Variants in PIEZO1 observed in about 807,000 individuals in gnomAD.
PIEZO1 encodes piezo type mechanosensitive ion channel component 1 (Er blood group).
Under a neutral mutation model 297.2 loss-of-function variants are expected in PIEZO1, and 296 were observed. The observed-to-expected ratio is 1.00, with a 90% CI of 0.91 to 1.10. PIEZO1 has a LOEUF of 1.10. Among genes scored for constraint, PIEZO1 ranks in the 50% least tolerant of loss-of-function variants. The pLI is 0.00. For synonymous variants in PIEZO1, 2,427 were observed against 1,507.5 expected, an observed-to-expected ratio of 1.61 and a Z score of -14.13; for missense variants, 5,018 against 3,455.5, an observed-to-expected ratio of 1.45 and a Z score of -11.34.
In PIEZO1 at chr16:88,737,564, C is replaced by T. The variant is rs747544951; in HGVS notation, c.1190G>A (p.Arg397Gln). Residue 397 changes from arginine to glutamine, a missense_variant, in exon 10 of 51, where the codon CGG becomes CAG. Coordinates refer to ENST00000301015, the MANE Select transcript of PIEZO1 (RefSeq NM_001142864.4). ...ELTGQSSVLR[R>Q]PVRPKRAEPR... ...TTGCAGTGTGCGGTACTCACCAGGC[C>T]GCCGCAGGACGGAGCTCTGGCCGGT... is the stretch of plus-strand genomic sequence containing the variant. The T allele has an allele frequency of 1.3e-6, 2 of 1,532,474 alleles. No homozygotes were observed. Among genetic ancestry groups the T allele is most frequent in the East Asian group, 4.9e-5 (2 of 40,900 alleles). 94.9% of individuals were successfully genotyped at this position (1,532,474 alleles called of 1,614,324 possible). A position where few individuals can be genotyped will look rare whatever the true frequency, so the allele number is the denominator to read the frequency against.
rs952530640 is a variant in PIEZO1 at position 88,733,388 on chromosome 16, G to A, written c.2554C>T (p.Pro852Ser). Residue 852 changes from proline to serine, a missense_variant, in exon 19 of 51, where the codon CCC becomes TCC. Transcript: ENST00000301015. Reference protein sequence around the residue: ...AFALPYPRFRPMASCLSTVWT... With the variant: ...AFALPYPRFRSMASCLSTVWT... ...ACGGTGGACAGGCAGGAGGCCATGG[G>A]CCGGAAGCGTGGGTAGGGCAGGGCG... is the stretch of plus-strand genomic sequence containing the variant. 1 of 1,550,130 alleles carries A rather than the reference G, an allele frequency of 6.5e-7. No individual in the cohort carries two copies. The highest frequency in any genetic ancestry group is 2.4e-5 in the East Asian group (1 of 40,922).
intron 30 of PIEZO1, among the ~76,000 whole-genome samples, chr16:88,724,436 C>T (rs1008228805): frequency 1.3e-5 from 2 of 151,234 alleles, no homozygotes; most frequent in Non-Finnish European, 2.9e-5. Flanking sequence ...GAGGCTGAGG[C>T]AGGAGAATCC....
rs1184372487 is a variant in PIEZO1 at position 88,716,358 on chromosome 16, C to T, written c.7049+3G>A. On this transcript the variant is annotated splice_donor_region_variant and intron_variant, in intron 48 of 50. Transcript: ENST00000301015. ...CTGCCCACCACCCGGGCCCTTCACT[C>T]ACACAGACTGGTCCGAGGTGCCCTC... 1.3e-6 allele frequency: 2 copies of T among 1,532,516 alleles called. No homozygotes were observed. Among genetic ancestry groups the T allele is most frequent in the East Asian group, 2.5e-5 (1 of 40,698 alleles). The allele number at this position is 1,532,516 out of a possible 1,614,324, so 94.9% of individuals were successfully genotyped here.
In PIEZO1 at chr16:88,719,727, CACA is replaced by C. The variant is rs1912294377; in HGVS notation, c.6324-9_6324-7del. The C allele has an allele frequency of 1.3e-6, 2 of 1,550,558 alleles. No homozygotes were observed. The highest frequency in any genetic ancestry group is 2.4e-5 in the South Asian group (2 of 84,058). On this transcript the variant is annotated splice_region_variant and splice_polypyrimidine_tract_variant and intron_variant, in intron 43 of 50. Coordinates refer to ENST00000301015, the MANE Select transcript of PIEZO1 (RefSeq NM_001142864.4). ...GGAACGGCACCAGCCGGAACCTGCC[CACA>C]GCCAGGGTTCCCGTCAGGTGGGCTC...
chr16:88,727,451 A>C (rs1012100731), intron 23 of PIEZO1, 106 bp downstream of exon 23: 1 of 636,876 alleles, frequency 1.6e-6, no homozygotes, highest in African/African-American at 1.9e-5. Flanking sequence ...GTGCCTGACC[A>C]CACCTCCGCC....
At chr16:88,775,395 G>T (rs1907610972) in intron 1 of PIEZO1, among the ~76,000 whole-genome samples, 1 of 152,354 alleles carries the variant, frequency 6.6e-6, no homozygotes, top group Admixed American at 6.5e-5. Flanking sequence ...ACCCCCAAGA[G>T]TGTCCGGGCT....
At chr16:88,722,457 G>A (rs1443788584) in intron 35 of PIEZO1, 60 bp from the exon 36 acceptor site, 4 of 1,452,472 alleles carry the variant, frequency 2.8e-6, no homozygotes, top group South Asian at 1.4e-5. Context: ...CAGGCTACAG[G>A]GAGGGTCAGG....
At chr16:88,754,537 G>C (rs1253723080) in intron 1 of PIEZO1, among the ~76,000 whole-genome samples, 1 of 151,822 alleles carries the variant, frequency 6.6e-6, no homozygotes, top group Non-Finnish European at 1.5e-5. Flanking sequence ...TGTGGTGATC[G>C]AGGAGGAGCT....
At chr16:88,747,248 C>G (rs530158583) in intron 2 of PIEZO1, among the ~76,000 whole-genome samples, 20 of 129,844 alleles carry the variant, frequency 1.5e-4, no homozygotes, top group African/African-American at 4.5e-4. Flanking sequence ...AAAAAAAAAG[C>G]CAAGCACGGT....
chr16:88,756,638 G>T (rs891438513), intron 1 of PIEZO1, among the ~76,000 whole-genome samples: 1 of 152,082 alleles, frequency 6.6e-6, no homozygotes, highest in Admixed American at 6.6e-5. Flanking sequence ...TGTGGTGGTG[G>T]GTGCCTGTAG....
chr16:88,781,821 A>G (rs893105424), intron 1 of PIEZO1, among the ~76,000 whole-genome samples: 7 of 152,224 alleles, frequency 4.6e-5, no homozygotes, highest in African/African-American at 1.7e-4. Flanking sequence ...TGATGGTGAC[A>G]ATGTTCTGAA....
chr16:88,757,322 G>A lies in PIEZO1; in HGVS notation c.65-7843C>T, dbSNP rs1010076728. 1.5e-4 allele frequency among the ~76,000 whole-genome samples: 14 copies of A among 96,060 alleles called. 1 individual carries two copies. The highest frequency in any genetic ancestry group is 3.9e-4 in the South Asian group (1 of 2,572). 63.0% of individuals were successfully genotyped at this position (96,060 alleles called of 152,430 possible). ...GGTATGCAGGGGGCGTTGCTGGCGG[G>A]GGGGTGGGGGGTAGTTACCTAACCT... On this transcript the variant is annotated intron_variant, in intron 1 of 50. Coordinates refer to ENST00000301015, the MANE Select transcript of PIEZO1 (RefSeq NM_001142864.4).
chr16:88,716,017 C>T lies in PIEZO1; in HGVS notation c.7232G>A (p.Cys2411Tyr). The T allele has an allele frequency of 1.3e-6, 2 of 1,550,228 alleles. No homozygotes were observed. The highest frequency in any genetic ancestry group is 1.7e-6 in the Non-Finnish European group (2 of 1,146,920). Residue 2411 changes from cysteine (C) to tyrosine (Y), a missense_variant, in exon 50 of 51, where the codon TGC (cysteine) becomes TAC (tyrosine). By Grantham distance (194) the Cys-to-Tyr change is radical. Coordinates refer to ENST00000301015, the MANE Select transcript of PIEZO1 (RefSeq NM_001142864.4). The part of the protein sequence containing the change: ...LEWWVIELQE[C>Y]RTDCNLLPMV... Reference sequence around the variant, plus strand: ...GGGCAGCAGGTTGCAGTCGGTCCGGCACTCCTGCAGCTCGATGACCCACCA... The same window carrying T: ...GGGCAGCAGGTTGCAGTCGGTCCGGTACTCCTGCAGCTCGATGACCCACCA...
intron 1 of PIEZO1, among the ~76,000 whole-genome samples, chr16:88,750,088 A>G (rs186421007): frequency 6.3e-4 from 96 of 151,648 alleles, no homozygotes; most frequent in Middle Eastern, 6.8e-3. Context: ...TAATCCCAGC[A>G]GTTTGGGAGG....
At chr16:88,756,984 G>A (rs1360253930) in intron 1 of PIEZO1, among the ~76,000 whole-genome samples, 1 of 152,106 alleles carries the variant, frequency 6.6e-6, no homozygotes, top group Non-Finnish European at 1.5e-5. Context: ...GCTGAGGCAG[G>A]AGAATGGCGT....
intron 17 of PIEZO1, 25 bp downstream of exon 17, chr16:88,733,881 G>A (rs1567671987): frequency 6.8e-7 from 1 of 1,476,922 alleles, no homozygotes; most frequent in Non-Finnish European, 9.0e-7. Flanking sequence ...CTGGGTGGCA[G>A]CTGTGCTCTG....
At position 88,727,738 on chromosome 16, in the gene PIEZO1, C is replaced by T. The variant is rs887581134; in HGVS notation, c.3197-77G>A. 6.6e-5 allele frequency: 43 copies of T among 650,310 alleles called. No homozygotes were observed. In the Middle Eastern group the frequency reaches 1.6e-3, roughly 25 times the overall value. The allele number at this position is 650,310 out of a possible 1,614,324, so 40.3% of individuals were successfully genotyped here. ...GACACCCGGTCCCCACCCGTTGACCCGAGTCTATCACCAGCCCTCAGGGTC... is the reference window on the plus strand; with the variant it reads ...GACACCCGGTCCCCACCCGTTGACCTGAGTCTATCACCAGCCCTCAGGGTC... On this transcript the variant is annotated intron_variant, in intron 22 of 50. Coordinates refer to ENST00000301015, the MANE Select transcript of PIEZO1 (RefSeq NM_001142864.4).
intron 1 of PIEZO1, among the ~76,000 whole-genome samples, chr16:88,772,912 T>C (rs868549443): frequency 1.4e-4 from 22 of 152,248 alleles, no homozygotes; most frequent in Middle Eastern, 6.8e-3. Context: ...GGGTGGGCCA[T>C]GGCAGGGCCA....
chr16:88,781,167 G>A (rs879854624), intron 1 of PIEZO1, among the ~76,000 whole-genome samples: 14 of 152,358 alleles, frequency 9.2e-5, no homozygotes, highest in Middle Eastern at 3.4e-3. Flanking sequence ...AAGGCCCACG[G>A]TGGTTCCCCT....
Sources: allele counts gnomAD v4.1 joint callset (sites outside exome capture counted in the v4.1 genomes callset), GRCh38; gene constraint gnomAD v4.1.1; transcripts MANE v1.5; gene names NCBI Gene and HGNC (gene_info 2026-07-23, HGNC 2026-07-21).